The following CDH11 variants were observed in gnomAD, a reference collection of about 807,000 sequenced individuals.
CDH11 encodes cadherin 11.
In CDH11, 11 loss-of-function variants were observed where a neutral mutation model predicts 67.8. The observed-to-expected ratio is 0.16, with a 90% CI of 0.10 to 0.27. The LOEUF (loss-of-function observed/expected upper bound fraction) is 0.27, where lower values mean the gene tolerates loss of function less well. Among genes scored for constraint, CDH11 ranks in the 10% least tolerant of loss-of-function variants. CDH11 has a pLI of 1.00. For synonymous variants in CDH11, 419 were observed against 400.0 expected (o/e 1.05, Z -0.57); for missense variants, 847 against 1,031.2 (o/e 0.82, Z 2.45).
At position 64,948,005 on chromosome 16, in the gene CDH11, A is replaced by G. The variant is rs1390868390; in HGVS notation, c.1989T>C (p.Tyr663=). 1 of 1,614,166 alleles carries G rather than the reference A, an allele frequency of 6.2e-7. No homozygotes were observed. Among genetic ancestry groups the G allele is most frequent in the Non-Finnish European group, 8.5e-7 (1 of 1,180,026 alleles). The part of the protein sequence containing the change: ...EEDVRENIIT[Y]DDEGGGEEDT... ...CTTCTTCCCCACCCCCTTCATCATCATAAGTAATGATGTTCTCACGGACAT... is the reference window on the plus strand; with the variant it reads ...CTTCTTCCCCACCCCCTTCATCATCGTAAGTAATGATGTTCTCACGGACAT... Residue 663 remains tyrosine, a synonymous_variant, in exon 13 of 13, where the codon TAT becomes TAC. Coordinates refer to ENST00000268603, the MANE Select transcript of CDH11 (RefSeq NM_001797.4).
rs764709799 is a variant in CDH11 at position 64,950,720 on chromosome 16, A to G, written c.1894+47T>C. The stretch of plus-strand genomic sequence containing the variant: ...AGAAGCATGTGTTTCAAGGAGGGGC[A>G]TCCGGTTGCCTGGCCCTTCCTGCAG... On this transcript the variant is annotated intron_variant, in intron 12 of 12. Coordinates refer to ENST00000268603, the MANE Select transcript of CDH11 (RefSeq NM_001797.4). The G allele has an allele frequency of 3.2e-6, 5 of 1,586,720 alleles. No individual in the cohort carries two copies. The South Asian group carries it at 4.5e-5, about 14-fold the overall frequency.
At chr16:65,111,842 C>G (rs139919870) in intron 1 of CDH11, among the ~76,000 whole-genome samples, 3 of 151,910 alleles carry the variant, frequency 2.0e-5, no homozygotes, top group African/African-American at 7.3e-5. Flanking sequence ...GAGGCCAAGG[C>G]GGGTGGATCA....
At chr16:65,065,004 C>A (rs1446649588) in intron 1 of CDH11, among the ~76,000 whole-genome samples, 1 of 152,164 alleles carries the variant, frequency 6.6e-6, no homozygotes, top group Non-Finnish European at 1.5e-5. Context: ...CAGACCCTGC[C>A]TCCAGCATCC....
At chr16:64,990,317 G>A (rs903585381) in intron 6 of CDH11, among the ~76,000 whole-genome samples, 3 of 152,242 alleles carry the variant, frequency 2.0e-5, no homozygotes, top group Middle Eastern at 3.4e-3. Flanking sequence ...ACTTGTGCCC[G>A]GCCAGGCAAA....
Position 64,947,743 on chromosome 16 carries a change from C to G in CDH11, c.2251G>C (p.Val751Leu). The G allele has an allele frequency of 6.2e-7, 1 of 1,614,188 alleles. No individual in the cohort carries two copies. Among genetic ancestry groups the G allele is most frequent in the Non-Finnish European group, 8.5e-7 (1 of 1,180,028 alleles). Residue 751 changes from valine to leucine, a missense_variant, in exon 13 of 13, where the codon GTG becomes CTG. Physicochemically the swap from Val to Leu is conservative, Grantham distance 32. Transcript: ENST00000268603. ...QIYGYEGRGS[V>L]AGSLSSLESA... is the part of the protein sequence containing the mutation. ...TCTAGGGAGCTCAGGGACCCGGCCA[C>G]TGAGCCCCTGCCTTCATAACCGTAG...
chr16:65,037,729 C>T (rs1043484918), intron 2 of CDH11, among the ~76,000 whole-genome samples: 7 of 152,164 alleles, frequency 4.6e-5, no homozygotes, highest in Middle Eastern at 3.4e-3. Flanking sequence ...TCCACTTCCC[C>T]GAGAAGACGA....
At chr16:65,065,317 G>A (rs955387740) in intron 1 of CDH11, among the ~76,000 whole-genome samples, 3 of 152,134 alleles carry the variant, frequency 2.0e-5, no homozygotes, top group Admixed American at 2.0e-4. Context: ...ATTTCAGGCC[G>A]CCTACAAAGG....
intron 1 of CDH11, among the ~76,000 whole-genome samples, chr16:65,104,281 T>C (rs1432321315): frequency 6.6e-6 from 1 of 152,118 alleles, no homozygotes; most frequent in Non-Finnish European, 1.5e-5. Flanking sequence ...AATAGATTAG[T>C]CAATTTTAGT....
chr16:65,075,724 G>C lies in CDH11; in HGVS notation c.-297-21796C>G, dbSNP rs1359698997. 2.0e-5 allele frequency among the ~76,000 whole-genome samples: 3 copies of C among 152,296 alleles called. No homozygotes were observed. The East Asian group carries it at 5.8e-4, about 30-fold the overall frequency. Reference sequence around the variant, plus strand: ...TAATGCTCCCAGGATGCCATCCCTAGACAATGTGCTATTGCACAGCCAGCG... The same window carrying C: ...TAATGCTCCCAGGATGCCATCCCTACACAATGTGCTATTGCACAGCCAGCG... On this transcript the variant is annotated intron_variant, in intron 1 of 12. Coordinates refer to ENST00000268603, the MANE Select transcript of CDH11 (RefSeq NM_001797.4).
At chr16:65,115,707 C>CAAAAAAAA (rs750108148) in intron 1 of CDH11, among the ~76,000 whole-genome samples, 66 of 60,076 alleles carry the variant, frequency 1.1e-3, no homozygotes, top group East Asian at 5.6e-3. Flanking sequence ...AAGGCTACAC[C>CAAAAAAAA]AAAAAAAAAA....
At chr16:64,951,299 T>G (rs1226511294) in intron 11 of CDH11, among the ~76,000 whole-genome samples, 3 of 152,198 alleles carry the variant, frequency 2.0e-5, no homozygotes, top group African/African-American at 7.2e-5. Flanking sequence ...GAAAATGATG[T>G]GGCCGGCTTG....
At chr16:64,965,956 T>C (rs187701426) in intron 11 of CDH11, among the ~76,000 whole-genome samples, 1 of 152,150 alleles carries the variant, frequency 6.6e-6, no homozygotes, top group Admixed American at 6.5e-5. Flanking sequence ...CTTGGATTAA[T>C]TGTAAATGTA....
At chr16:65,002,083 G>C (rs932240807) in intron 3 of CDH11, among the ~76,000 whole-genome samples, 1 of 152,178 alleles carries the variant, frequency 6.6e-6, no homozygotes, top group Non-Finnish European at 1.5e-5. Context: ...CCAGGGAACT[G>C]TCTCAGCACA....
At chr16:64,951,121 T>A in intron 11 of CDH11, 103 bp from the exon 12 acceptor site, 1 of 1,161,082 alleles carries the variant, frequency 8.6e-7, no homozygotes, top group Non-Finnish European at 1.2e-6. Context: ...TCATAAAGGT[T>A]AACCGCCAGA....
intron 8 of CDH11, among the ~76,000 whole-genome samples, chr16:64,974,956 C>T (rs995974882): frequency 1.3e-5 from 2 of 152,140 alleles, no homozygotes; most frequent in Non-Finnish European, 2.9e-5. Context: ...TTCTTTGAGC[C>T]TTAGCATATT....
chr16:65,110,774 C>T (rs548121592), intron 1 of CDH11, among the ~76,000 whole-genome samples: 1 of 152,022 alleles, frequency 6.6e-6, no homozygotes, highest in South Asian at 2.1e-4. Flanking sequence ...GCCCTTTAAG[C>T]CCCTGGAGTA....
intron 1 of CDH11, among the ~76,000 whole-genome samples, chr16:65,099,253 A>T (rs929684701): frequency 1.3e-5 from 2 of 152,164 alleles, no homozygotes; most frequent in African/African-American, 2.4e-5. Context: ...TGGAATATTT[A>T]AAAAAACAGG....
chr16:65,117,654 C>T (rs965412354), intron 1 of CDH11, among the ~76,000 whole-genome samples: 15 of 152,252 alleles, frequency 9.9e-5, no homozygotes, highest in Middle Eastern at 3.4e-3. Context: ...AAGTGTTTAC[C>T]GAAGATCAAA....
At chr16:65,122,431 A>C (rs917198650), upstream of CDH11, 7 of 181,380 alleles carry the variant, frequency 3.9e-5, no homozygotes, top group Non-Finnish European at 8.0e-5. Context: ...GGGAAGCTGG[A>C]GAGGGGTTGG....
Sources: allele counts gnomAD v4.1 joint callset (sites outside exome capture counted in the v4.1 genomes callset), GRCh38; gene constraint gnomAD v4.1.1; transcripts MANE v1.5; gene names NCBI Gene and HGNC (gene_info 2026-07-23, HGNC 2026-07-21).